The following ASCC1 variants were observed in gnomAD, a reference collection of about 807,000 sequenced individuals.
ASCC1 encodes the protein activating signal cointegrator 1 complex subunit 1, also known as ASC-1 complex subunit P50.
Under a neutral mutation model 46.6 loss-of-function variants are expected in ASCC1, and 35 were observed. That is an observed-to-expected ratio of 0.75 (90% confidence interval 0.57 to 0.99). ASCC1 has a LOEUF of 0.99. Among genes scored for constraint, ASCC1 ranks in the 50% least tolerant of loss-of-function variants. The probability of loss-of-function intolerance (pLI) is 0.00; values close to 1 mark genes in which losing one functional copy is unlikely to be tolerated. For synonymous variants in ASCC1, 143 were observed against 146.6 expected, an observed-to-expected ratio of 0.98 and a Z score of 0.18; for missense variants, 376 against 428.7, an observed-to-expected ratio of 0.88 and a Z score of 1.09.
intron 9 of ASCC1, among the ~76,000 whole-genome samples, chr10:72,126,967 C>T (rs974755746): frequency 3.3e-4 from 51 of 152,274 alleles, no homozygotes; most frequent in African/African-American, 1.2e-3. Context: ...TGACACTGCC[C>T]TATTGGGCTC....
intron 5 of ASCC1, among the ~76,000 whole-genome samples, chr10:72,175,973 C>A (rs902616333): frequency 6.6e-6 from 1 of 152,226 alleles, no homozygotes; most frequent in Non-Finnish European, 1.5e-5. Flanking sequence ...GGGATTACTA[C>A]AAGTCTTACT....
intron 5 of ASCC1, among the ~76,000 whole-genome samples, chr10:72,183,185 G>A (rs986682273): frequency 8.6e-5 from 13 of 151,424 alleles, no homozygotes; most frequent in African/African-American, 2.2e-4. Context: ...CTGGGATTAC[G>A]GGCACCCGCC....
At chr10:72,195,519 G>C (rs1015497876) in intron 5 of ASCC1, among the ~76,000 whole-genome samples, 2 of 151,648 alleles carry the variant, frequency 1.3e-5, no homozygotes, top group Non-Finnish European at 2.9e-5. Flanking sequence ...AAAAAAACTA[G>C]AATATAAGAT....
chr10:72,111,767 G>A (rs1267721670), intron 9 of ASCC1, among the ~76,000 whole-genome samples: 1 of 151,854 alleles, frequency 6.6e-6, no homozygotes, highest in Non-Finnish European at 1.5e-5. Context: ...TCAGCCTCCC[G>A]AGTAGCTGGG....
intron 5 of ASCC1, among the ~76,000 whole-genome samples, chr10:72,161,883 C>T (rs945337732): frequency 6.6e-6 from 1 of 152,150 alleles, no homozygotes; most frequent in African/African-American, 2.4e-5. Flanking sequence ...TAGACTACTA[C>T]CTCCTACCAT....
At chr10:72,138,570 C>G (rs1186587647) in intron 7 of ASCC1, among the ~76,000 whole-genome samples, 1 of 150,912 alleles carries the variant, frequency 6.6e-6, no homozygotes, top group Non-Finnish European at 1.5e-5. Context: ...TACAGGCAGC[C>G]TGTGCTGTTT....
At chr10:72,169,575 T>A (rs1486694500) in intron 5 of ASCC1, among the ~76,000 whole-genome samples, 1 of 151,708 alleles carries the variant, frequency 6.6e-6, no homozygotes. Context: ...CAGAAAACAA[T>A]GATATTGGTC....
intron 3 of ASCC1, among the ~76,000 whole-genome samples, chr10:72,208,696 G>T (rs1293613098): frequency 1.3e-5 from 2 of 152,072 alleles, no homozygotes; most frequent in Non-Finnish European, 2.9e-5. Context: ...AGGGGAGGAG[G>T]TTGCAGTGAG....
intron 4 of ASCC1, among the ~76,000 whole-genome samples, chr10:72,203,079 G>C (rs1303396636): frequency 2.0e-5 from 3 of 152,074 alleles, no homozygotes; most frequent in Non-Finnish European, 4.4e-5. Context: ...CTGAGGTCAG[G>C]AGTTCGAGAC....
At chr10:72,157,789 A>G (rs921300164) in intron 6 of ASCC1, among the ~76,000 whole-genome samples, 1 of 152,214 alleles carries the variant, frequency 6.6e-6, no homozygotes, top group East Asian at 1.9e-4. Context: ...TATAAAAAAA[A>G]TTGTCATACT....
chr10:72,167,990 A>G (rs1589434422), intron 5 of ASCC1, among the ~76,000 whole-genome samples: 1 of 152,070 alleles, frequency 6.6e-6, no homozygotes, highest in Admixed American at 6.5e-5. Flanking sequence ...GGAGATCGGG[A>G]CCATCCTGGC....
chr10:72,206,854 T>A (rs1046997250), intron 3 of ASCC1, among the ~76,000 whole-genome samples: 2 of 152,136 alleles, frequency 1.3e-5, no homozygotes, highest in African/African-American at 4.8e-5. Flanking sequence ...GGAAATGTTA[T>A]ATAAACTGTA....
At chr10:72,101,685 G>A (rs1841779279) in intron 9 of ASCC1, among the ~76,000 whole-genome samples, 1 of 152,122 alleles carries the variant, frequency 6.6e-6, no homozygotes, top group Non-Finnish European at 1.5e-5. Context: ...AGGCTTTAGG[G>A]TAGGTTGGTG....
At chr10:72,102,907 A>C in intron 9 of ASCC1, 1 of 425,174 alleles carries the variant, frequency 2.4e-6, no homozygotes, top group South Asian at 1.7e-5. Context: ...CCCGGGAGGC[A>C]CAGGTTGCAG....
intron 6 of ASCC1, among the ~76,000 whole-genome samples, chr10:72,155,705 T>C (rs1397788532): frequency 6.6e-6 from 1 of 152,204 alleles, no homozygotes; most frequent in African/African-American, 2.4e-5. Context: ...TTGTGTTAAG[T>C]AAAACCCCAC....
chr10:72,216,453 C>A (rs73276916), upstream of ASCC1: 5,668 of 78,360 alleles, frequency 0.072, 682 homozygotes, highest in African/African-American at 0.24. Flanking sequence ...GCCACTTTTT[C>A]TCCACGCCCA....
chr10:72,189,669 G>T (rs1292303212), intron 5 of ASCC1, among the ~76,000 whole-genome samples: 1 of 151,976 alleles, frequency 6.6e-6, no homozygotes, highest in Non-Finnish European at 1.5e-5. Flanking sequence ...GGGCATGGTG[G>T]CGCATGCCTG....
chr10:72,133,482 A>G, intron 7 of ASCC1: 1 of 364,308 alleles, frequency 2.7e-6, no homozygotes, highest in Non-Finnish European at 5.2e-6. Context: ...CATAGTCTGG[A>G]ATGATCATTA....
At chr10:72,195,563 A>T (rs12221099) in intron 5 of ASCC1, among the ~76,000 whole-genome samples, 84,702 of 144,332 alleles carry the variant, frequency 0.59, 25,226 homozygotes, top group African/African-American at 0.77. Flanking sequence ...TATTTTATTT[A>T]TTTTTTTTTT....
Sources: gnomAD v4.1 joint callset for allele counts (sites outside exome capture counted in the v4.1 genomes callset) on GRCh38, gnomAD v4.1.1 for gene constraint, MANE v1.5 for transcripts, NCBI Gene and HGNC (gene_info 2026-07-23, HGNC 2026-07-21) for gene names.